TP53BP2: variants seen among roughly 807,000 people sequenced by gnomAD.
TP53BP2 encodes apoptosis-stimulating of p53 protein 2.
A neutral mutation model predicts 126.2 loss-of-function variants in TP53BP2; 62 were observed. The observed-to-expected ratio is 0.49, with a 90% confidence interval of 0.40 to 0.61. The LOEUF is 0.61. TP53BP2 is among the 20% of genes least tolerant of loss of function. The pLI is 0.00. For synonymous variants in TP53BP2, 485 were observed against 502.9 expected, an observed-to-expected ratio of 0.96 and a Z score of 0.48; for missense variants, 1,215 against 1,402.8, an observed-to-expected ratio of 0.87 and a Z score of 2.14.
At chr1:223,792,018 T>A (rs915572524) in intron 15 of TP53BP2, among the ~76,000 whole-genome samples, 1 of 152,184 alleles carries the variant, frequency 6.6e-6, no homozygotes, top group Admixed American at 6.6e-5. Context: ...CTTGGAGATA[T>A]AGAATGGACA....
At chr1:223,836,008 G>T (rs555301486) in intron 1 of TP53BP2, among the ~76,000 whole-genome samples, 9 of 152,278 alleles carry the variant, frequency 5.9e-5, no homozygotes, top group African/African-American at 1.7e-4. Context: ...CAAGCAGGAA[G>T]AGGACCATCT....
At chr1:223,844,724 T>C (rs190769324) in intron 1 of TP53BP2, among the ~76,000 whole-genome samples, 6 of 152,330 alleles carry the variant, frequency 3.9e-5, no homozygotes, top group African/African-American at 1.2e-4. Context: ...CAGCATATTA[T>C]ACTCTGTATG....
intron 13 of TP53BP2, among the ~76,000 whole-genome samples, chr1:223,795,288 G>A (rs530267957): frequency 1.1e-4 from 16 of 152,352 alleles, no homozygotes; most frequent in African/African-American, 3.6e-4. Context: ...AGGCTGAAGA[G>A]GGGCCCCTCA....
intron 9 of TP53BP2, 165 bp downstream of exon 9, chr1:223,801,951 A>T: frequency 1.7e-6 from 1 of 582,360 alleles, no homozygotes; most frequent in South Asian, 2.5e-5. Context: ...CAACCAGGGT[A>T]TCAATTTTAA....
intron 1 of TP53BP2, among the ~76,000 whole-genome samples, chr1:223,837,971 G>A (rs1168867614): frequency 1.7e-5 from 2 of 116,710 alleles, no homozygotes; most frequent in South Asian, 3.2e-4. Context: ...GCTTCCTCCC[G>A]GCCTCTGCAC....
intron 1 of TP53BP2, among the ~76,000 whole-genome samples, chr1:223,826,737 C>T (rs572687272): frequency 6.8e-4 from 104 of 152,166 alleles, no homozygotes; most frequent in Non-Finnish European, 1.2e-3. Context: ...GGATTTTGAA[C>T]GGGGTAGCTA....
At chr1:223,790,224 C>G (rs1183519273) in intron 15 of TP53BP2, among the ~76,000 whole-genome samples, 3 of 151,468 alleles carry the variant, frequency 2.0e-5, no homozygotes, top group Non-Finnish European at 4.4e-5. Context: ...CCAGTGCACT[C>G]CAGGGTGACA....
chr1:223,795,648 T>G (rs1324530068), intron 13 of TP53BP2, among the ~76,000 whole-genome samples, 167 bp downstream of exon 13: 2 of 152,124 alleles, frequency 1.3e-5, no homozygotes, highest in African/African-American at 4.8e-5. Flanking sequence ...CAGAAAAATG[T>G]TCTTTATATT....
At chr1:223,789,297 A>AAT in intron 15 of TP53BP2, 123 bp from the exon 16 acceptor site, 1 of 1,145,576 alleles carries the variant, frequency 8.7e-7, no homozygotes, top group Admixed American at 2.5e-5. Flanking sequence ...AAAACCTCTT[A>AAT]AACAGTTTTT....
At position 223,845,728 on chromosome 1, in the gene TP53BP2, G is replaced by A. The variant is rs1415864155; in HGVS notation, c.-48C>T. The A allele has an allele frequency of 4.7e-6, 7 of 1,484,134 alleles. No individual in the cohort carries two copies. The Admixed American group carries it at 1.1e-4, about 23-fold the overall frequency. The allele number at this position is 1,484,134 out of a possible 1,614,324, so 91.9% of individuals were successfully genotyped here. A position where few individuals can be genotyped will look rare whatever the true frequency, so the allele number is the denominator to read the frequency against. On this transcript the variant is annotated 5_prime_UTR_variant, in exon 1 of 18. Transcript: ENST00000343537. Reference sequence around the variant, plus strand: ...GCCCCGGCCGAGCTGAGGTGCCCCGGAGGGTCGCGGATGCGGGGGAGGGGA... The same window carrying A: ...GCCCCGGCCGAGCTGAGGTGCCCCGAAGGGTCGCGGATGCGGGGGAGGGGA...
At chr1:223,833,886 T>G (rs575272096) in intron 1 of TP53BP2, among the ~76,000 whole-genome samples, 10 of 152,128 alleles carry the variant, frequency 6.6e-5, no homozygotes, top group Admixed American at 1.3e-4. Context: ...CAAATGAGCA[T>G]GGTATATAAA....
chr1:223,831,466 TAAAAAAAAAAA>T (rs1157082703), intron 1 of TP53BP2, among the ~76,000 whole-genome samples: 1 of 43,710 alleles, frequency 2.3e-5, no homozygotes, highest in African/African-American at 1.1e-4. Flanking sequence ...ATGTACCATC[TAAAAAAAAAAA>T]AAAATATATA....
intron 1 of TP53BP2, chr1:223,845,122 TA>T: frequency 2.1e-6 from 1 of 487,464 alleles, no homozygotes; most frequent in Non-Finnish European, 2.7e-6. Flanking sequence ...TCCTGCAATC[TA>T]AAACTTCCGA....
chr1:223,791,252 C>T (rs982560468), intron 15 of TP53BP2, among the ~76,000 whole-genome samples: 7 of 150,298 alleles, frequency 4.7e-5, no homozygotes, highest in Non-Finnish European at 1.0e-4. Context: ...CACAGTGAGA[C>T]CCTGTCTCTA....
intron 2 of TP53BP2, among the ~76,000 whole-genome samples, chr1:223,817,688 G>A (rs1415224121): frequency 1.3e-5 from 2 of 152,136 alleles, no homozygotes; most frequent in African/African-American, 2.4e-5. Context: ...CACTTTGAGA[G>A]GCTGAGGCAG....
At chr1:223,810,606 A>T in intron 3 of TP53BP2, 93 bp from the exon 4 acceptor site, 1 of 869,792 alleles carries the variant, frequency 1.1e-6, no homozygotes, top group Non-Finnish European at 1.7e-6. Context: ...TTACTGTTTG[A>T]TATTTTAAGT....
At chr1:223,798,799 C>A in intron 11 of TP53BP2, 122 bp from the exon 12 acceptor site, 1 of 868,180 alleles carries the variant, frequency 1.2e-6, no homozygotes. Context: ...TGGCCGGGTG[C>A]AGGGGCTCAC....
intron 2 of TP53BP2, among the ~76,000 whole-genome samples, chr1:223,817,284 AGG>A (rs1663119939): frequency 1.6e-4 from 7 of 43,304 alleles, no homozygotes; most frequent in African/African-American, 6.7e-4. Flanking sequence ...GAGGAGGGGG[AGG>A]GAAAGGAGGA....
chr1:223,804,271 C>T lies in TP53BP2; in HGVS notation c.552G>A (p.Arg184=). 2.2e-5 allele frequency: 35 copies of T among 1,614,090 alleles called. No homozygotes were observed. Among genetic ancestry groups the T allele is most frequent in the Non-Finnish European group, 2.9e-5 (34 of 1,179,998 alleles). ...QQVAEQEKLK[R]LKEIAENQEA... is the part of the protein sequence containing the mutation. ...CCTGATTCTCAGCTATTTCTTTTAG[C>T]CTTTTAAGTTTCTCCTGCTCAGCAA... is the stretch of plus-strand genomic sequence containing the variant. Residue 184 remains arginine, a synonymous_variant, in exon 6 of 18, where the codon AGG becomes AGA. Coordinates refer to ENST00000343537, the MANE Select transcript of TP53BP2 (RefSeq NM_001031685.3).
Sources: gnomAD v4.1 joint callset for allele counts (sites outside exome capture counted in the v4.1 genomes callset) on GRCh38, gnomAD v4.1.1 for gene constraint, MANE v1.5 for transcripts, NCBI Gene and HGNC (gene_info 2026-07-23, HGNC 2026-07-21) for gene names.